The following CNRIP1 variants were observed in gnomAD, a reference collection of about 807,000 sequenced individuals.
CNRIP1 encodes the protein CB1 cannabinoid receptor-interacting protein 1.
In CNRIP1, 10 loss-of-function variants were observed where a neutral mutation model predicts 15.2. The observed-to-expected ratio is 0.66, with a 90% CI of 0.41 to 1.12. CNRIP1 has a LOEUF of 1.12. CNRIP1 is among the 50% of genes most tolerant of loss of function. CNRIP1 has a pLI of 0.00. For synonymous variants in CNRIP1, 91 were observed against 83.2 expected (o/e 1.09, Z -0.51); for missense variants, 211 against 214.7 (o/e 0.98, Z 0.11).
downstream of CNRIP1, among the ~76,000 whole-genome samples, chr2:68,291,815 G>T (rs1030930746): frequency 2.0e-5 from 3 of 149,418 alleles, no homozygotes; most frequent in Non-Finnish European, 4.4e-5. Context: ...GGAGGTGGAG[G>T]TTGCAGTGAG....
rs762240739 is a variant in CNRIP1, at chr2:68,293,894, G to C, written c.463C>G (p.Leu155Val). The part of the protein sequence containing the change: ...YECKPNETRS[L>V]MWVNKESFL Reference sequence around the variant, plus strand: ...AAGGACTCCTTGTTCACCCACATCAGACTGCGTGTCTCGTTGGGCTTGCAT... The same window carrying C: ...AAGGACTCCTTGTTCACCCACATCACACTGCGTGTCTCGTTGGGCTTGCAT... Residue 155 changes from leucine to valine, a missense_variant, in exon 3 of 3, where the codon CTG becomes GTG. Transcript: ENST00000263655. 1.2e-6 allele frequency: 2 copies of C among 1,614,062 alleles called. No homozygotes were observed. The highest frequency in any genetic ancestry group is 1.7e-6 in the Non-Finnish European group (2 of 1,179,974).
intron 2 of CNRIP1, among the ~76,000 whole-genome samples, chr2:68,286,102 A>G (rs1003144624): frequency 2.6e-5 from 4 of 152,322 alleles, no homozygotes; most frequent in East Asian, 1.9e-4. Flanking sequence ...CTACCCTGTC[A>G]AGCAGTAGCT....
intron 2 of CNRIP1, among the ~76,000 whole-genome samples, chr2:68,311,301 G>C (rs1338417104): frequency 6.6e-6 from 1 of 151,872 alleles, no homozygotes; most frequent in East Asian, 1.9e-4. Context: ...TTATACTTAA[G>C]TTAAAATATT....
intron 2 of CNRIP1, among the ~76,000 whole-genome samples, chr2:68,301,534 A>C (rs1019412255): frequency 1.3e-5 from 2 of 152,162 alleles, no homozygotes; most frequent in African/African-American, 4.8e-5. Flanking sequence ...TTAAGGCAAG[A>C]GGAAGAAAAG....
At chr2:68,314,784 A>G (rs1298913833) in intron 2 of CNRIP1, among the ~76,000 whole-genome samples, 1 of 152,062 alleles carries the variant, frequency 6.6e-6, no homozygotes, top group Non-Finnish European at 1.5e-5. Flanking sequence ...TATGAAACTG[A>G]CCTTTGGAGA....
rs1034068625 is a variant in CNRIP1 at position 68,311,415 on chromosome 2, A to G, written c.330+5742T>C. On this transcript the variant is annotated intron_variant, in intron 2 of 2. Transcript: ENST00000263655. ...AAAAAGCTAGGATTTTGAAAAGGCCAATAAAACTGAAATCTCTAGCTAGAC... is the reference window on the plus strand; with the variant it reads ...AAAAAGCTAGGATTTTGAAAAGGCCGATAAAACTGAAATCTCTAGCTAGAC... Among the ~76,000 whole-genome samples the G allele has an allele frequency of 2.0e-5, 3 of 152,234 alleles. No individual in the cohort carries two copies. The East Asian group carries it at 5.8e-4, about 29-fold the overall frequency.
At chr2:68,314,371 G>C (rs1313543549) in intron 2 of CNRIP1, among the ~76,000 whole-genome samples, 1 of 151,962 alleles carries the variant, frequency 6.6e-6, no homozygotes, top group Non-Finnish European at 1.5e-5. Context: ...TTTAAGTAGG[G>C]CTTATTGTAA....
intron 2 of CNRIP1, among the ~76,000 whole-genome samples, chr2:68,309,698 T>C (rs941837566): frequency 6.6e-6 from 1 of 152,130 alleles, no homozygotes; most frequent in African/African-American, 2.4e-5. Context: ...CTGTTGGAAG[T>C]GGCAGAAGAC....
intron 2 of CNRIP1, among the ~76,000 whole-genome samples, chr2:68,311,536 G>A (rs1672073418): frequency 1.3e-5 from 2 of 152,120 alleles, no homozygotes; most frequent in Non-Finnish European, 2.9e-5. Context: ...CCCTTTGAGA[G>A]GACAAGGTGG....
At chr2:68,316,473 C>T (rs1191826999) in intron 2 of CNRIP1, 2 of 152,132 alleles carry the variant, frequency 1.3e-5, no homozygotes, top group African/African-American at 4.8e-5. Context: ...CTTGCTTCAT[C>T]ACCTATTTAT....
Position 68,319,482 on chromosome 2 carries a change from C to T in CNRIP1, c.-82G>A. The T allele has an allele frequency of 1.5e-6, 2 of 1,369,896 alleles. No homozygotes were observed. The highest frequency in any genetic ancestry group is 9.6e-7 in the Non-Finnish European group (1 of 1,044,822). 84.9% of individuals were successfully genotyped at this position (1,369,896 alleles called of 1,614,324 possible). On this transcript the variant is annotated 5_prime_UTR_variant, in exon 1 of 3. Coordinates refer to ENST00000263655, the MANE Select transcript of CNRIP1 (RefSeq NM_015463.3). ...GGCCGAGTGGCTGGAGCGCGAGGGGCGGAGAGGAAGCGCGGGGAGGGTGAG... is the reference window on the plus strand; with the variant it reads ...GGCCGAGTGGCTGGAGCGCGAGGGGTGGAGAGGAAGCGCGGGGAGGGTGAG...
rs959432475 is a variant in CNRIP1 at position 68,319,531 on chromosome 2, C to T, written c.-131G>A. 7.0e-5 allele frequency: 69 copies of T among 979,978 alleles called. No homozygotes were observed. The Middle Eastern group carries it at 1.0e-3, about 14-fold the overall frequency. 60.7% of individuals were successfully genotyped at this position (979,978 alleles called of 1,614,324 possible). ...AGGGAGGTGGTGGAGCTGAGGCTGCCGCTAGGAACCCGCGCCGTCGCCGCC... is the reference window on the plus strand; with the variant it reads ...AGGGAGGTGGTGGAGCTGAGGCTGCTGCTAGGAACCCGCGCCGTCGCCGCC... On this transcript the variant is annotated 5_prime_UTR_variant, in exon 1 of 3. Coordinates refer to ENST00000263655, the MANE Select transcript of CNRIP1 (RefSeq NM_015463.3).
intron 2 of CNRIP1, among the ~76,000 whole-genome samples, chr2:68,298,293 G>T (rs948210596): frequency 1.3e-5 from 2 of 151,852 alleles, no homozygotes; most frequent in Non-Finnish European, 2.9e-5. Context: ...AAAATATTTT[G>T]TAATAAAATA....
intron 2 of CNRIP1, among the ~76,000 whole-genome samples, chr2:68,302,939 CG>C (rs368092286): frequency 0.069 from 10,458 of 151,108 alleles, 482 homozygotes; most frequent in Non-Finnish European, 0.1. Context: ...CTCCGCCCCC[CG>C]GGGTTCACGC....
chr2:68,308,306 T>C (rs555039044), intron 2 of CNRIP1, among the ~76,000 whole-genome samples: 1 of 152,318 alleles, frequency 6.6e-6, no homozygotes, highest in Admixed American at 6.5e-5. Context: ...TTTACAAGAA[T>C]GCACATTTCT....
intron 2 of CNRIP1, among the ~76,000 whole-genome samples, chr2:68,301,495 G>C (rs1199817399): frequency 6.6e-6 from 1 of 152,168 alleles, no homozygotes; most frequent in Admixed American, 6.5e-5. Context: ...CCCCTATTCA[G>C]CATTGCATTC....
At chr2:68,317,436 G>C in intron 1 of CNRIP1, 129 bp from the exon 2 acceptor site, 1 of 906,844 alleles carries the variant, frequency 1.1e-6, no homozygotes, top group Non-Finnish European at 1.7e-6. Context: ...GCGGGAGAAA[G>C]TTCTGCAAGT....
intron 2 of CNRIP1, among the ~76,000 whole-genome samples, chr2:68,314,963 T>A (rs1051356560): frequency 1.3e-5 from 2 of 152,198 alleles, no homozygotes; most frequent in African/African-American, 4.8e-5. Flanking sequence ...TATGTCTATA[T>A]ATAATTAATT....
chr2:68,317,499 C>A (rs1029054342), intron 1 of CNRIP1, among the ~76,000 whole-genome samples, 192 bp from the exon 2 acceptor site: 1 of 152,168 alleles, frequency 6.6e-6, no homozygotes, highest in East Asian at 1.9e-4. Flanking sequence ...CTATCCCCAG[C>A]CCCAGACATT....
Sources: allele counts gnomAD v4.1 joint callset (sites outside exome capture counted in the v4.1 genomes callset), GRCh38; gene constraint gnomAD v4.1.1; transcripts MANE v1.5; gene names NCBI Gene and HGNC (gene_info 2026-07-23, HGNC 2026-07-21).